GALNT13: variants seen among roughly 807,000 people sequenced by gnomAD.
GALNT13 encodes polypeptide N-acetylgalactosaminyltransferase 13, also known as UDP-GalNAc:polypeptide N-acetylgalactosaminyltransferase 13.
A neutral mutation model predicts 64.2 loss-of-function variants in GALNT13; 28 were observed. The ratio of observed to expected loss-of-function variants is 0.44; its 90% CI spans 0.32 to 0.60. The LOEUF (loss-of-function observed/expected upper bound fraction) is 0.60, where lower values mean the gene tolerates loss of function less well. Ranked by LOEUF, GALNT13 falls within the 20% of genes least tolerant of loss-of-function variation. The probability of loss-of-function intolerance (pLI) is 0.05; values close to 1 mark genes in which losing one functional copy is unlikely to be tolerated. For synonymous variants in GALNT13, 214 were observed against 224.6 expected (o/e 0.95, Z 0.42); for missense variants, 577 against 669.8 (o/e 0.86, Z 1.53).
chr2:153,931,512 A>G (rs1221886356), intron 2 of GALNT13, among the ~76,000 whole-genome samples: 1 of 151,968 alleles, frequency 6.6e-6, no homozygotes, highest in Non-Finnish European at 1.5e-5. Flanking sequence ...TCTTATTTTA[A>G]GATATACTCA....
the GALNT13 span, among the ~76,000 whole-genome samples, chr2:153,491,737 C>T: frequency 6.6e-6 from 1 of 152,002 alleles, no homozygotes; most frequent in African/African-American, 2.4e-5. Context: ...TCTCTTGCCT[C>T]AGCCTCCCTG....
intron 3 of GALNT13, among the ~76,000 whole-genome samples, chr2:154,123,407 A>G (rs1164999102): frequency 1.3e-5 from 2 of 152,136 alleles, no homozygotes; most frequent in East Asian, 3.9e-4. Flanking sequence ...TATTTGCAGG[A>G]TGGGGATCAA....
the GALNT13 span, among the ~76,000 whole-genome samples, chr2:153,082,573 T>TTATA: frequency 3.8e-3 from 153 of 40,542 alleles, 6 homozygotes; most frequent in Non-Finnish European, 4.5e-3. Flanking sequence ...TTAGGCTGGT[T>TTATA]TATATATATA....
chr2:153,478,638 T>C, the GALNT13 span: 1 of 1,254,444 alleles, frequency 8.0e-7, no homozygotes, highest in South Asian at 1.5e-5. Flanking sequence ...GAGGAACAGG[T>C]GCCGGGCTGA....
At chr2:153,228,147 T>C in the GALNT13 span, among the ~76,000 whole-genome samples, 1 of 152,162 alleles carries the variant, frequency 6.6e-6, no homozygotes, top group Non-Finnish European at 1.5e-5. Context: ...TAAGCATGCA[T>C]GTGGCAGACA....
the GALNT13 span, among the ~76,000 whole-genome samples, chr2:153,340,864 G>A: frequency 6.6e-6 from 1 of 152,106 alleles, no homozygotes; most frequent in Non-Finnish European, 1.5e-5. Context: ...TTTAGGAGAG[G>A]CAGCATGATA....
chr2:153,652,745 T>C, the GALNT13 span, among the ~76,000 whole-genome samples: 1 of 152,184 alleles, frequency 6.6e-6, no homozygotes, highest in Non-Finnish European at 1.5e-5. Context: ...TGTCTTCATA[T>C]GTATTTAGAA....
the GALNT13 span, among the ~76,000 whole-genome samples, chr2:153,201,976 T>TA: frequency 1.7e-5 from 1 of 59,836 alleles, no homozygotes; most frequent in African/African-American, 1.8e-4. Context: ...CCCATTTCTT[T>TA]TTTTTTTTTT....
the GALNT13 span, among the ~76,000 whole-genome samples, chr2:153,464,886 C>G: frequency 6.6e-6 from 1 of 151,866 alleles, no homozygotes; most frequent in Non-Finnish European, 1.5e-5. Flanking sequence ...AGGTGATGTA[C>G]GAAGAATAAT....
At chr2:154,432,134 G>A (rs566769272) in intron 11 of GALNT13, among the ~76,000 whole-genome samples, 347 of 152,186 alleles carry the variant, frequency 2.3e-3, no homozygotes, top group African/African-American at 7.7e-3. Flanking sequence ...AAATCATTAC[G>A]ACTTCAATAA....
the GALNT13 span, among the ~76,000 whole-genome samples, chr2:153,422,482 A>G: frequency 1.3e-5 from 2 of 152,188 alleles, no homozygotes; most frequent in Non-Finnish European, 2.9e-5. Context: ...GTACAATTGT[A>G]CTTAACAATA....
At chr2:154,420,717 C>G (rs188915218) in intron 11 of GALNT13, among the ~76,000 whole-genome samples, 53 of 152,156 alleles carry the variant, frequency 3.5e-4, no homozygotes, top group Admixed American at 5.9e-4. Flanking sequence ...TTCACCATAA[C>G]CATTTTAAGC....
the GALNT13 span, among the ~76,000 whole-genome samples, chr2:153,154,178 T>G: frequency 6.6e-6 from 1 of 152,112 alleles, no homozygotes; most frequent in Non-Finnish European, 1.5e-5. Flanking sequence ...ATAATTCCCA[T>G]GGACCTGGTG....
At chr2:153,419,507 C>T in the GALNT13 span, among the ~76,000 whole-genome samples, 1 of 152,056 alleles carries the variant, frequency 6.6e-6, no homozygotes, top group Non-Finnish European at 1.5e-5. Flanking sequence ...TAGAGACAAA[C>T]AAGAGGTGAA....
chr2:153,790,612 C>A, the GALNT13 span, among the ~76,000 whole-genome samples: 1 of 152,064 alleles, frequency 6.6e-6, no homozygotes, highest in Admixed American at 6.6e-5. Context: ...AGCAATCAGG[C>A]AAGAGGAAGA....
chr2:154,006,257 A>G (rs142025322), intron 3 of GALNT13, among the ~76,000 whole-genome samples: 9 of 152,302 alleles, frequency 5.9e-5, no homozygotes, highest in Admixed American at 5.2e-4. Flanking sequence ...ATTGTTTTAT[A>G]GAGAAGATTG....
chr2:153,733,092 C>A, the GALNT13 span, among the ~76,000 whole-genome samples: 1 of 152,052 alleles, frequency 6.6e-6, no homozygotes, highest in African/African-American at 2.4e-5. Flanking sequence ...CTTGATGAAT[C>A]ATTGAGAAGA....
the GALNT13 span, among the ~76,000 whole-genome samples, chr2:153,242,531 G>A: frequency 6.6e-6 from 1 of 152,190 alleles, no homozygotes; most frequent in African/African-American, 2.4e-5. Flanking sequence ...AATTCAAAAG[G>A]CAGAAATATT....
At chr2:154,015,201 A>G (rs1696924873) in intron 3 of GALNT13, among the ~76,000 whole-genome samples, 1 of 152,164 alleles carries the variant, frequency 6.6e-6, no homozygotes, top group African/African-American at 2.4e-5. Context: ...TTCTTATTCT[A>G]CTTTGTTTTG....
Sources: allele counts gnomAD v4.1 joint callset (sites outside exome capture counted in the v4.1 genomes callset), GRCh38; gene constraint gnomAD v4.1.1; transcripts MANE v1.5; gene names NCBI Gene and HGNC (gene_info 2026-07-23, HGNC 2026-07-21).